Variants in XKR9 observed in about 807,000 individuals in gnomAD.
XKR9 encodes XK-related protein 9.
XKR9 carries 32 observed loss-of-function variants against 32.0 expected under a neutral mutation model. That is an observed-to-expected ratio of 1.00 (90% CI 0.76 to 1.34). The LOEUF is 1.34. Ranked by LOEUF, XKR9 falls within the 40% of genes most tolerant of loss-of-function variation. The probability of loss-of-function intolerance (pLI) is 0.00; values close to 1 mark genes in which losing one functional copy is unlikely to be tolerated. For synonymous variants in XKR9, 168 were observed against 143.4 expected (o/e 1.17, Z -1.22); for missense variants, 546 against 429.7 (o/e 1.27, Z -2.39).
chr8:70,829,128 T>G, the XKR9 span, among the ~76,000 whole-genome samples: 1 of 152,198 alleles, frequency 6.6e-6, no homozygotes, highest in Non-Finnish European at 1.5e-5. Flanking sequence ...ATAAAAAGAG[T>G]GGACTTTGTT....
At chr8:70,758,872 T>C (rs995666100) in intron 2 of XKR9, among the ~76,000 whole-genome samples, 2 of 152,236 alleles carry the variant, frequency 1.3e-5, no homozygotes, top group African/African-American at 4.8e-5. Flanking sequence ...CTTACCATAC[T>C]GGCCCTTTAC....
At chr8:70,671,184 G>T (rs1183433700) in intron 1 of XKR9, among the ~76,000 whole-genome samples, 1 of 152,168 alleles carries the variant, frequency 6.6e-6, no homozygotes, top group South Asian at 2.1e-4. Flanking sequence ...AGGATTGCAG[G>T]CTTGAGCCAC....
chr8:70,899,094 T>C, the XKR9 span, among the ~76,000 whole-genome samples: 1 of 152,130 alleles, frequency 6.6e-6, no homozygotes, highest in Non-Finnish European at 1.5e-5. Context: ...TTTATTTTAT[T>C]TTTGTAGTGA....
chr8:70,965,862 T>A, the XKR9 span, among the ~76,000 whole-genome samples: 5 of 151,862 alleles, frequency 3.3e-5, no homozygotes, highest in African/African-American at 7.2e-5. Context: ...TCAGCTCTGA[T>A]CTTGGTTATT....
chr8:70,857,885 T>C, the XKR9 span, among the ~76,000 whole-genome samples: 1 of 152,136 alleles, frequency 6.6e-6, no homozygotes, highest in East Asian at 1.9e-4. Context: ...TCTCAATAGA[T>C]GCAGAAAAGG....
At chr8:71,011,582 G>A in the XKR9 span, among the ~76,000 whole-genome samples, 136,522 of 152,284 alleles carry the variant, frequency 0.9, 61,402 homozygotes, top group East Asian at 0.97. Context: ...ACTGAATTTT[G>A]CTATAAAAAG....
intron 4 of XKR9, among the ~76,000 whole-genome samples, chr8:70,713,465 AAG>A (rs1416192517): frequency 2.0e-5 from 3 of 152,184 alleles, no homozygotes; most frequent in African/African-American, 7.2e-5. Context: ...ACTCAGCAGA[AAG>A]AAATTCATAC....
At chr8:70,999,387 G>A in the XKR9 span, among the ~76,000 whole-genome samples, 7 of 152,024 alleles carry the variant, frequency 4.6e-5, no homozygotes, top group South Asian at 1.5e-3. Context: ...TTAATTTTAA[G>A]TTTTTATTAT....
At chr8:70,983,854 T>A in the XKR9 span, among the ~76,000 whole-genome samples, 1 of 151,962 alleles carries the variant, frequency 6.6e-6, no homozygotes, top group African/African-American at 2.4e-5. Flanking sequence ...AATATCTGTT[T>A]AATAAATCAA....
At chr8:70,870,483 T>C in the XKR9 span, among the ~76,000 whole-genome samples, 1 of 152,324 alleles carries the variant, frequency 6.6e-6, no homozygotes, top group Admixed American at 6.5e-5. Context: ...GGTGGGACTT[T>C]TTCTTTGCTT....
chr8:70,806,135 A>T, the XKR9 span, among the ~76,000 whole-genome samples: 1 of 152,196 alleles, frequency 6.6e-6, no homozygotes, highest in Non-Finnish European at 1.5e-5. Flanking sequence ...TGGGGCCTGA[A>T]GTGAACCCCC....
chr8:70,790,886 T>A (rs1807755550), downstream of XKR9, among the ~76,000 whole-genome samples: 1 of 151,950 alleles, frequency 6.6e-6, no homozygotes, highest in Admixed American at 6.6e-5. Flanking sequence ...TCTGATGAGG[T>A]CCTGCTTCCT....
intron 2 of XKR9, among the ~76,000 whole-genome samples, chr8:70,787,823 G>A (rs1166259230): frequency 6.6e-6 from 1 of 151,892 alleles, no homozygotes; most frequent in Non-Finnish European, 1.5e-5. Context: ...AAAGTCTAAG[G>A]CAATTTTTCT....
chr8:70,751,442 G>T (rs1807139495), intron 2 of XKR9, among the ~76,000 whole-genome samples: 1 of 152,028 alleles, frequency 6.6e-6, no homozygotes, highest in South Asian at 2.1e-4. Flanking sequence ...GATAATTTTA[G>T]GTGTCAACTT....
chr8:70,934,289 A>G, the XKR9 span, among the ~76,000 whole-genome samples: 2 of 151,960 alleles, frequency 1.3e-5, no homozygotes, highest in Non-Finnish European at 2.9e-5. Context: ...GCCAATACTA[A>G]CATCTCTCTA....
intron 2 of XKR9, among the ~76,000 whole-genome samples, chr8:70,760,099 A>G (rs1451829517): frequency 1.3e-5 from 2 of 152,198 alleles, no homozygotes; most frequent in Non-Finnish European, 2.9e-5. Flanking sequence ...CTTTAAAAAT[A>G]TTTATTCAGT....
chr8:70,783,620 A>T (rs1807645781), intron 2 of XKR9, among the ~76,000 whole-genome samples: 1 of 152,048 alleles, frequency 6.6e-6, no homozygotes, highest in African/African-American at 2.4e-5. Context: ...CAATTATTGG[A>T]TATATGGATT....
the XKR9 span, among the ~76,000 whole-genome samples, chr8:71,041,705 TAA>T: frequency 2.6e-5 from 4 of 152,124 alleles, no homozygotes; most frequent in African/African-American, 9.7e-5. Context: ...TCTGATGGTT[TAA>T]AAGTGTCAGT....
chr8:70,829,678 C>T, the XKR9 span, among the ~76,000 whole-genome samples: 1 of 152,094 alleles, frequency 6.6e-6, no homozygotes, highest in Non-Finnish European at 1.5e-5. Flanking sequence ...TCGACCTCCT[C>T]ACCTCGTGAT....
Sources: allele counts gnomAD v4.1 joint callset (sites outside exome capture counted in the v4.1 genomes callset), GRCh38; gene constraint gnomAD v4.1.1; transcripts MANE v1.5; gene names NCBI Gene and HGNC (gene_info 2026-07-23, HGNC 2026-07-21).